Variants in ATRNL1 observed in about 807,000 individuals in gnomAD.
ATRNL1 encodes attractin-like protein 1.
In ATRNL1, 95 loss-of-function variants were observed where a neutral mutation model predicts 182.7. The observed-to-expected ratio is 0.52, with a 90% CI of 0.44 to 0.62. ATRNL1 has a LOEUF of 0.62. Among genes scored for constraint, ATRNL1 ranks in the 20% least tolerant of loss-of-function variants. ATRNL1 has a pLI of 0.00. For missense variants in ATRNL1, 1,471 were observed against 1,679.5 expected (o/e 0.88, Z 2.17); for synonymous variants, 576 against 568.3 (o/e 1.01, Z -0.19).
At chr10:115,318,218 T>G (rs1006442768) in intron 18 of ATRNL1, among the ~76,000 whole-genome samples, 1 of 152,188 alleles carries the variant, frequency 6.6e-6, no homozygotes, top group Admixed American at 6.6e-5. Flanking sequence ...TATGTTGAAC[T>G]AGCCTTGCAT....
intron 17 of ATRNL1, among the ~76,000 whole-genome samples, chr10:115,306,327 C>G (rs1554926149): frequency 6.6e-6 from 1 of 152,036 alleles, no homozygotes; most frequent in Non-Finnish European, 1.5e-5. Context: ...TAATTTTTTC[C>G]TTGGAACCTC....
chr10:115,335,408 T>C (rs1233175804), intron 19 of ATRNL1, among the ~76,000 whole-genome samples: 1 of 152,184 alleles, frequency 6.6e-6, no homozygotes, highest in Non-Finnish European at 1.5e-5. Context: ...CTTTTAAAAA[T>C]ATGGCTGTCT....
chr10:115,137,906 C>T (rs1394702017), intron 5 of ATRNL1, among the ~76,000 whole-genome samples: 1 of 152,202 alleles, frequency 6.6e-6, no homozygotes, highest in Non-Finnish European at 1.5e-5. Context: ...AGGCAAGTCC[C>T]TTCTGCCTGT....
intron 5 of ATRNL1, among the ~76,000 whole-genome samples, chr10:115,143,519 C>T (rs1158377942): frequency 6.6e-6 from 1 of 152,014 alleles, no homozygotes. Flanking sequence ...CAAAATACCA[C>T]AGATTAGGTC....
intron 24 of ATRNL1, among the ~76,000 whole-genome samples, chr10:115,476,949 A>G (rs4364975): frequency 0.032 from 4,853 of 151,512 alleles, 253 homozygotes; most frequent in African/African-American, 0.11. Context: ...GAGAAACTAC[A>G]TATTTTTTTG....
intron 9 of ATRNL1, among the ~76,000 whole-genome samples, chr10:115,222,635 A>G (rs1849513651): frequency 6.6e-6 from 1 of 152,242 alleles, no homozygotes; most frequent in Non-Finnish European, 1.5e-5. Context: ...AATGGGATCC[A>G]GAATACATGT....
At chr10:115,723,469 C>A (rs562820093) in intron 26 of ATRNL1, among the ~76,000 whole-genome samples, 48 of 152,102 alleles carry the variant, frequency 3.2e-4, no homozygotes, top group Admixed American at 2.8e-3. Context: ...TATCTGTATT[C>A]ATATTTGATA....
At chr10:115,425,917 C>T (rs1554962782) in intron 20 of ATRNL1, among the ~76,000 whole-genome samples, 2 of 151,944 alleles carry the variant, frequency 1.3e-5, no homozygotes, top group African/African-American at 4.8e-5. Context: ...TTATTTCAGA[C>T]TTTCACTTCT....
At chr10:115,450,341 T>G (rs1199951726) in intron 21 of ATRNL1, among the ~76,000 whole-genome samples, 2 of 152,200 alleles carry the variant, frequency 1.3e-5, no homozygotes, top group African/African-American at 4.8e-5. Context: ...GAAGTCAAAC[T>G]ATCCCTCTTT....
intron 9 of ATRNL1, among the ~76,000 whole-genome samples, chr10:115,230,870 TGAGAGAGAGAGAGAGA>T (rs1169884107): frequency 0.019 from 1,559 of 83,776 alleles, 16 homozygotes; most frequent in African/African-American, 0.057. Context: ...ATAGAGTGGA[TGAGAGAGAGAGAGAGA>T]GAGAGAGAGA....
chr10:115,861,858 C>G (rs1951324086), intron 28 of ATRNL1, among the ~76,000 whole-genome samples: 1 of 152,034 alleles, frequency 6.6e-6, no homozygotes, highest in Non-Finnish European at 1.5e-5. Context: ...AATCTCAGTG[C>G]TTTGAGAGGC....
At chr10:115,347,549 A>G (rs1269635596) in intron 19 of ATRNL1, among the ~76,000 whole-genome samples, 1 of 152,090 alleles carries the variant, frequency 6.6e-6, no homozygotes, top group Non-Finnish European at 1.5e-5. Context: ...AAATATACTT[A>G]TTAAAATTCA....
intron 27 of ATRNL1, among the ~76,000 whole-genome samples, chr10:115,743,192 T>G (rs1948188058): frequency 6.9e-6 from 1 of 144,132 alleles, no homozygotes; most frequent in Non-Finnish European, 1.5e-5. Context: ...AGATGAGATT[T>G]GGGTGGGGAG....
intron 11 of ATRNL1, among the ~76,000 whole-genome samples, chr10:115,265,621 A>G (rs929914065): frequency 5.3e-5 from 8 of 151,646 alleles, no homozygotes; most frequent in East Asian, 1.9e-4. Context: ...GGCTAGCCCC[A>G]TATTTCTATC....
chr10:115,566,643 C>A (rs1169591637), intron 26 of ATRNL1, among the ~76,000 whole-genome samples: 1 of 151,996 alleles, frequency 6.6e-6, no homozygotes, highest in Non-Finnish European at 1.5e-5. Flanking sequence ...TAAATTATAA[C>A]CTCTATGGAC....
intron 27 of ATRNL1, among the ~76,000 whole-genome samples, chr10:115,845,103 G>T (rs990483275): frequency 1.1e-4 from 17 of 152,016 alleles, no homozygotes; most frequent in African/African-American, 4.1e-4. Flanking sequence ...TCTTCCAGAA[G>T]TATCAAAGAG....
intron 26 of ATRNL1, among the ~76,000 whole-genome samples, chr10:115,698,098 A>G (rs1946619644): frequency 1.3e-5 from 2 of 152,184 alleles, no homozygotes; most frequent in Admixed American, 1.3e-4. Flanking sequence ...AGATACTTTC[A>G]TAGTTTCTGT....
At chr10:115,423,644 A>G (rs1463925312) in intron 20 of ATRNL1, among the ~76,000 whole-genome samples, 1 of 152,198 alleles carries the variant, frequency 6.6e-6, no homozygotes, top group Non-Finnish European at 1.5e-5. Flanking sequence ...ATACCATCTG[A>G]TTTTTGGCAA....
intron 26 of ATRNL1, among the ~76,000 whole-genome samples, chr10:115,679,319 G>T (rs541307145): frequency 2.9e-4 from 43 of 148,720 alleles, no homozygotes; most frequent in Non-Finnish European, 5.4e-4. Context: ...TGGTTGGTTG[G>T]TTTTTTTTTT....
Sources: gnomAD v4.1 joint callset for allele counts (sites outside exome capture counted in the v4.1 genomes callset) on GRCh38, gnomAD v4.1.1 for gene constraint, MANE v1.5 for transcripts, NCBI Gene and HGNC (gene_info 2026-07-23, HGNC 2026-07-21) for gene names.